The following LAMC1 variants were observed in gnomAD, a reference collection of about 807,000 sequenced individuals.
LAMC1 encodes the protein laminin subunit gamma 1.
Under a neutral mutation model 173.6 loss-of-function variants are expected in LAMC1, and 38 were observed. The observed-to-expected ratio is 0.22, with a 90% CI of 0.17 to 0.29. The LOEUF (loss-of-function observed/expected upper bound fraction) is 0.29, where lower values mean the gene tolerates loss of function less well. Among genes scored for constraint, LAMC1 ranks in the 10% least tolerant of loss-of-function variants. The pLI is 1.00. For missense variants in LAMC1, 1,824 were observed against 2,051.8 expected (o/e 0.89, Z 2.14); for synonymous variants, 746 against 749.1 (o/e 1.00, Z 0.07).
In LAMC1 at chr1:183,043,632, A is replaced by G. The variant is rs75113564; in HGVS notation, c.418+19498A>G. Reference sequence around the variant, plus strand: ...ATGGTAACAATATTTAGAACTACAGATAGGGCATTACATAAATGTTTAAAA... The same window carrying G: ...ATGGTAACAATATTTAGAACTACAGGTAGGGCATTACATAAATGTTTAAAA... On this transcript the variant is annotated intron_variant, in intron 1 of 27. Coordinates refer to ENST00000258341, the MANE Select transcript of LAMC1 (RefSeq NM_002293.4). 1.9e-3 allele frequency among the ~76,000 whole-genome samples: 286 copies of G among 152,312 alleles called. 6 individuals are homozygous for G. In the East Asian group the frequency reaches 0.048, roughly 26 times the overall value.
At chr1:183,039,719 C>T (rs1654075093) in intron 1 of LAMC1, among the ~76,000 whole-genome samples, 1 of 152,124 alleles carries the variant, frequency 6.6e-6, no homozygotes, top group Non-Finnish European at 1.5e-5. Flanking sequence ...TATGTCCTGG[C>T]ACAGACGTCA....
chr1:183,124,425 C>T (rs1208023664), intron 13 of LAMC1, among the ~76,000 whole-genome samples: 1 of 152,212 alleles, frequency 6.6e-6, no homozygotes, highest in African/African-American at 2.4e-5. Context: ...CAGGTGCTTC[C>T]TGTCTAGTGA....
rs1473768116 is a variant in LAMC1 at position 183,130,474 on chromosome 1, T to C, written c.3411T>C (p.His1137=). ...TGNLAEQARA[H]VENTERLIEI... is the part of the protein sequence containing the mutation. ...ACTTGGCTGAACAAGCGCGTGCCCA[T>C]GTAGAGAACACAGAGCGGTTGATTG... The change falls in exon 19 of 28, where the codon CAT becomes CAC. Residue 1137 remains histidine, a synonymous_variant. Transcript: ENST00000258341. 5 of 1,614,084 alleles carry C rather than the reference T, an allele frequency of 3.1e-6. No homozygotes were observed. Among genetic ancestry groups the C allele is most frequent in the Non-Finnish European group, 4.2e-6 (5 of 1,180,048 alleles).
intron 26 of LAMC1, among the ~76,000 whole-genome samples, chr1:183,139,754 A>G (rs748644996): frequency 3.9e-5 from 6 of 152,166 alleles, no homozygotes; most frequent in Admixed American, 6.5e-5. Context: ...GCTGTTTCCT[A>G]TGACTCATGC....
At chr1:183,132,369 T>TC (rs1222177850) in intron 20 of LAMC1, 31 bp from the exon 21 acceptor site, 1 of 1,580,310 alleles carries the variant, frequency 6.3e-7, no homozygotes, top group African/African-American at 1.4e-5. Flanking sequence ...GATGGTTGTT[T>TC]CATGGCTTAT....
intron 1 of LAMC1, among the ~76,000 whole-genome samples, chr1:183,030,853 A>G (rs1425245568): frequency 1.3e-5 from 2 of 152,098 alleles, no homozygotes; most frequent in Non-Finnish European, 2.9e-5. Flanking sequence ...TTTAAAGTAT[A>G]TATATTCTGT....
At chr1:183,067,654 AT>A (rs142154135) in intron 1 of LAMC1, among the ~76,000 whole-genome samples, 1 of 150,772 alleles carries the variant, frequency 6.6e-6, no homozygotes, top group African/African-American at 2.4e-5. Flanking sequence ...ACATCCAGCT[AT>A]TTTTTTTTGT....
intron 20 of LAMC1, among the ~76,000 whole-genome samples, 158 bp from the exon 21 acceptor site, chr1:183,132,242 A>G (rs1363592758): frequency 6.6e-6 from 1 of 152,206 alleles, no homozygotes. Context: ...CAATAAGCCA[A>G]GATCACGCCA....
chr1:183,091,522 A>C (rs1655565910), intron 1 of LAMC1, among the ~76,000 whole-genome samples: 1 of 151,692 alleles, frequency 6.6e-6, no homozygotes, highest in Admixed American at 6.6e-5. Context: ...CTCCCTCTCT[A>C]ATTACTATAT....
intron 1 of LAMC1, among the ~76,000 whole-genome samples, chr1:183,101,419 C>T (rs1314038940): frequency 6.6e-6 from 1 of 150,582 alleles, no homozygotes; most frequent in Non-Finnish European, 1.5e-5. Flanking sequence ...ATTTGTGTGA[C>T]TTGTGTCTAG....
At chr1:183,074,873 A>G (rs1322304993) in intron 1 of LAMC1, among the ~76,000 whole-genome samples, 1 of 151,816 alleles carries the variant, frequency 6.6e-6, no homozygotes, top group Non-Finnish European at 1.5e-5. Flanking sequence ...CATAACGGAA[A>G]CCTCTTCCAT....
intron 1 of LAMC1, among the ~76,000 whole-genome samples, chr1:183,037,796 T>C (rs890517029): frequency 2.6e-5 from 4 of 152,166 alleles, no homozygotes; most frequent in Admixed American, 2.6e-4. Context: ...TTAGGACATG[T>C]ATTTACAATG....
At chr1:183,027,312 G>A (rs1653716334) in intron 1 of LAMC1, among the ~76,000 whole-genome samples, 1 of 152,010 alleles carries the variant, frequency 6.6e-6, no homozygotes, top group African/African-American at 2.4e-5. Flanking sequence ...AGTCTTTTTT[G>A]TTTCACCTTC....
At chr1:183,060,123 A>G (rs754941013) in intron 1 of LAMC1, among the ~76,000 whole-genome samples, 2 of 152,140 alleles carry the variant, frequency 1.3e-5, no homozygotes, top group Non-Finnish European at 2.9e-5. Flanking sequence ...CATGCCACTC[A>G]CTGTCTGCTT....
At chr1:183,049,599 G>C (rs920039723) in intron 1 of LAMC1, among the ~76,000 whole-genome samples, 1 of 151,978 alleles carries the variant, frequency 6.6e-6, no homozygotes, top group African/African-American at 2.4e-5. Flanking sequence ...GTGTAGCTGG[G>C]ATTACAGGCA....
chr1:183,118,545 G>A (rs10797847), intron 11 of LAMC1, among the ~76,000 whole-genome samples: 83,521 of 151,740 alleles, frequency 0.55, 23,185 homozygotes, highest in South Asian at 0.65. Context: ...CAACATGGTG[G>A]AACCCCGTCT....
At chr1:183,115,109 G>GCA (rs1656280906) in intron 5 of LAMC1, among the ~76,000 whole-genome samples, 1 of 152,184 alleles carries the variant, frequency 6.6e-6, no homozygotes, top group Non-Finnish European at 1.5e-5. Context: ...GTACAGAGAT[G>GCA]CACAGCATTC....
At chr1:183,067,545 G>A (rs1287116911) in intron 1 of LAMC1, among the ~76,000 whole-genome samples, 1 of 152,140 alleles carries the variant, frequency 6.6e-6, no homozygotes, top group African/African-American at 2.4e-5. Flanking sequence ...CTGGAGTGCA[G>A]TGGCAGGATC....
chr1:183,143,068 A>C lies in LAMC1; in HGVS notation c.*278A>C. On this transcript the variant is annotated 3_prime_UTR_variant, in exon 28 of 28. Coordinates refer to ENST00000258341, the MANE Select transcript of LAMC1 (RefSeq NM_002293.4). ...GATTTGCGTGAGGACGTGGCATCCT[A>C]CGTTACTGTACAGTGGCATAAGCAC... is the stretch of plus-strand genomic sequence containing the variant. 1 of 365,188 alleles carries C rather than the reference A, an allele frequency of 2.7e-6. No homozygotes were observed. Among genetic ancestry groups the C allele is most frequent in the South Asian group, 3.0e-5 (1 of 33,508 alleles). 22.6% of individuals were successfully genotyped at this position (365,188 alleles called of 1,614,324 possible). A position where few individuals can be genotyped will look rare whatever the true frequency, so the allele number is the denominator to read the frequency against.
Sources: gnomAD v4.1 joint callset for allele counts (sites outside exome capture counted in the v4.1 genomes callset) on GRCh38, gnomAD v4.1.1 for gene constraint, MANE v1.5 for transcripts, NCBI Gene and HGNC (gene_info 2026-07-23, HGNC 2026-07-21) for gene names.